Variants in GRIK4 observed in about 807,000 individuals in gnomAD.
GRIK4 encodes the protein glutamate ionotropic receptor kainate type subunit 4.
GRIK4 carries 40 observed loss-of-function variants against 104.9 expected under a neutral mutation model. The ratio of observed to expected loss-of-function variants is 0.38; its 90% CI spans 0.30 to 0.50. The LOEUF (loss-of-function observed/expected upper bound fraction) is 0.50, where lower values mean the gene tolerates loss of function less well. Ranked by LOEUF, GRIK4 falls within the 20% of genes least tolerant of loss-of-function variation. The pLI is 0.93. For missense variants in GRIK4, 1,047 were observed against 1,308.1 expected, an observed-to-expected ratio of 0.80 and a Z score of 3.08; for synonymous variants, 485 against 524.9, an observed-to-expected ratio of 0.92 and a Z score of 1.04.
Position 120,612,952 on chromosome 11 carries a change from A to T in GRIK4, c.-158-40733A>T, listed in dbSNP as rs116924488. On this transcript the variant is annotated intron_variant, in intron 1 of 20. Coordinates refer to ENST00000527524, the MANE Select transcript of GRIK4 (RefSeq NM_014619.5). ...GTCATGGGCACATGGTGCAAACCCG[A>T]GTGTGTGTGTGAGAAAAAAGCATTT... Among the ~76,000 whole-genome samples the T allele has an allele frequency of 5.7e-4, 87 of 152,190 alleles. No individual in the cohort carries two copies. The East Asian group carries it at 0.015, about 26-fold the overall frequency.
intron 16 of GRIK4, among the ~76,000 whole-genome samples, chr11:120,958,078 C>T (rs950288100): frequency 2.0e-5 from 3 of 152,258 alleles, no homozygotes; most frequent in African/African-American, 4.8e-5. Flanking sequence ...CCACCCACAA[C>T]ATCCGGGAAC....
intron 1 of GRIK4, among the ~76,000 whole-genome samples, chr11:120,572,991 T>C (rs1275177777): frequency 6.7e-6 from 1 of 150,358 alleles, no homozygotes; most frequent in Non-Finnish European, 1.5e-5. Flanking sequence ...ATTCACTTCA[T>C]TCATTCATTC....
At chr11:120,872,071 C>T (rs376875016) in intron 9 of GRIK4, 9 of 368,668 alleles carry the variant, frequency 2.4e-5, no homozygotes, top group African/African-American at 8.4e-5. Flanking sequence ...CAGTCAACAC[C>T]GGCTTCCTGA....
intron 1 of GRIK4, among the ~76,000 whole-genome samples, chr11:120,585,330 T>C (rs992831434): frequency 3.3e-5 from 5 of 150,228 alleles, no homozygotes; most frequent in African/African-American, 9.8e-5. Flanking sequence ...ATTCTCTCTC[T>C]CCCTCTCTCT....
chr11:120,635,417 C>T (rs1949385439), intron 1 of GRIK4, among the ~76,000 whole-genome samples: 1 of 152,254 alleles, frequency 6.6e-6, no homozygotes, highest in Non-Finnish European at 1.5e-5. Context: ...GCCTTCCTGA[C>T]ATTCAGGGAG....
chr11:120,974,699 C>A (rs1232195183), intron 19 of GRIK4, among the ~76,000 whole-genome samples: 1 of 152,142 alleles, frequency 6.6e-6, no homozygotes, highest in Non-Finnish European at 1.5e-5. Context: ...TGGTAAGAGC[C>A]ACAATATTAC....
At chr11:120,578,211 G>C (rs752230543) in intron 1 of GRIK4, among the ~76,000 whole-genome samples, 1 of 152,180 alleles carries the variant, frequency 6.6e-6, no homozygotes, top group Non-Finnish European at 1.5e-5. Flanking sequence ...GGTTGAAGTT[G>C]ATCTCAGCTG....
chr11:120,973,832 CT>C (rs1944515612), intron 19 of GRIK4, among the ~76,000 whole-genome samples: 1 of 152,182 alleles, frequency 6.6e-6, no homozygotes, highest in South Asian at 2.1e-4. Context: ...AGCTGTCAAA[CT>C]TACTATGGTA....
At chr11:120,744,697 CGAG>C (rs1273611158) in intron 3 of GRIK4, among the ~76,000 whole-genome samples, 18 of 152,026 alleles carry the variant, frequency 1.2e-4, no homozygotes. Flanking sequence ...AAAAGACTCA[CGAG>C]GAGATTTATG....
intron 3 of GRIK4, among the ~76,000 whole-genome samples, chr11:120,707,911 C>T (rs1950657897): frequency 6.6e-6 from 1 of 152,172 alleles, no homozygotes; most frequent in Admixed American, 6.5e-5. Context: ...CTGAGCAACC[C>T]ACAAGAACCA....
chr11:120,875,135 A>T lies in GRIK4; in HGVS notation c.1060-4A>T, dbSNP rs207472414. 3.8e-6 allele frequency: 6 copies of T among 1,582,718 alleles called. No individual in the cohort carries two copies. In the African/African-American group the frequency reaches 5.4e-5, roughly 14 times the overall value. ...GGTGCTGTAACTCACTCTCTCTTGGACAGGTAGAATTGGAAGGTCTTACCG... is the reference window on the plus strand; with the variant it reads ...GGTGCTGTAACTCACTCTCTCTTGGTCAGGTAGAATTGGAAGGTCTTACCG... On this transcript the variant is annotated splice_polypyrimidine_tract_variant and splice_region_variant and intron_variant, in intron 10 of 20. Transcript: ENST00000527524.
At chr11:120,565,705 G>T (rs556756031) in intron 1 of GRIK4, among the ~76,000 whole-genome samples, 2 of 152,318 alleles carry the variant, frequency 1.3e-5, no homozygotes, top group Non-Finnish European at 2.9e-5. Flanking sequence ...GAAATACAGG[G>T]TCTGGCTGCA....
chr11:120,892,161 G>C (rs1044930620), intron 11 of GRIK4, among the ~76,000 whole-genome samples: 2 of 152,146 alleles, frequency 1.3e-5, no homozygotes, highest in Non-Finnish European at 2.9e-5. Context: ...AGGCTGTGGC[G>C]GGAAGGAGCC....
At chr11:120,523,657 G>T (rs930403754) in intron 1 of GRIK4, among the ~76,000 whole-genome samples, 1 of 152,222 alleles carries the variant, frequency 6.6e-6, no homozygotes, top group Non-Finnish European at 1.5e-5. Context: ...GGGTCACACA[G>T]CTGAACCTGG....
chr11:120,580,083 C>T (rs1267345637), intron 1 of GRIK4, among the ~76,000 whole-genome samples: 2 of 152,122 alleles, frequency 1.3e-5, no homozygotes, highest in African/African-American at 4.8e-5. Flanking sequence ...GGATAGTATT[C>T]CATTGTGCAG....
At chr11:120,809,158 C>G (rs138699717) in intron 4 of GRIK4, among the ~76,000 whole-genome samples, 1 of 152,214 alleles carries the variant, frequency 6.6e-6, no homozygotes, top group Non-Finnish European at 1.5e-5. Context: ...GTAAGTTCCA[C>G]GACGCCCCTC....
chr11:120,850,150 G>A (rs1391738938), intron 8 of GRIK4, among the ~76,000 whole-genome samples: 1 of 152,088 alleles, frequency 6.6e-6, no homozygotes, highest in Non-Finnish European at 1.5e-5. Context: ...TATCTCCTTG[G>A]CTTCCTCTTC....
chr11:120,538,425 G>A (rs1020969151), intron 1 of GRIK4, among the ~76,000 whole-genome samples: 6 of 152,168 alleles, frequency 3.9e-5, no homozygotes, highest in Non-Finnish European at 5.9e-5. Flanking sequence ...ATTGTAAAAG[G>A]CCTCCTCTCC....
chr11:120,724,238 T>G (rs572068425), intron 3 of GRIK4, among the ~76,000 whole-genome samples: 22 of 152,338 alleles, frequency 1.4e-4, no homozygotes, highest in African/African-American at 5.3e-4. Context: ...AACCATGAAC[T>G]GCTGGGCTCA....
Sources: allele counts gnomAD v4.1 joint callset (sites outside exome capture counted in the v4.1 genomes callset), GRCh38; gene constraint gnomAD v4.1.1; transcripts MANE v1.5; gene names NCBI Gene and HGNC (gene_info 2026-07-23, HGNC 2026-07-21).